Variants in CNTN5 observed in about 807,000 individuals in gnomAD.
CNTN5 encodes the protein contactin 5.
CNTN5 carries 77 observed loss-of-function variants against 129.1 expected under a neutral mutation model. The ratio of observed to expected loss-of-function variants is 0.60; its 90% CI spans 0.50 to 0.72. The LOEUF (loss-of-function observed/expected upper bound fraction) is 0.72. Among genes scored for constraint, CNTN5 ranks in the 30% least tolerant of loss-of-function variants. The pLI is 0.00. For missense variants in CNTN5, 1,478 were observed against 1,328.8 expected (o/e 1.11, Z -1.75); for synonymous variants, 509 against 465.6 (o/e 1.09, Z -1.20).
chr11:99,396,161 T>C (rs1373941972), intron 2 of CNTN5, among the ~76,000 whole-genome samples: 1 of 132,372 alleles, frequency 7.6e-6, no homozygotes, highest in African/African-American at 2.8e-5. Flanking sequence ...ATATTGACTC[T>C]TTCTATCCAT....
At chr11:99,821,690 C>A (rs892495139) in intron 4 of CNTN5, among the ~76,000 whole-genome samples, 2 of 152,096 alleles carry the variant, frequency 1.3e-5, no homozygotes, top group Non-Finnish European at 2.9e-5. Context: ...TTCTCTAAAA[C>A]TGTGCTCCTC....
At chr11:99,468,732 CTT>C (rs113029746) in intron 2 of CNTN5, among the ~76,000 whole-genome samples, 2,585 of 131,420 alleles carry the variant, frequency 0.02, 24 homozygotes, top group Middle Eastern at 0.045. Context: ...TTGTTAGAAA[CTT>C]TTTTTTTTTT....
chr11:99,762,039 GT>G (rs1944598998), intron 3 of CNTN5, among the ~76,000 whole-genome samples: 1 of 112,674 alleles, frequency 8.9e-6, no homozygotes, highest in Non-Finnish European at 2.0e-5. Flanking sequence ...TTTTTCATGT[GT>G]TTTTTGGCTG....
At chr11:99,060,497 TA>T (rs1275989232) in intron 1 of CNTN5, among the ~76,000 whole-genome samples, 1 of 152,134 alleles carries the variant, frequency 6.6e-6, no homozygotes, top group East Asian at 1.9e-4. Flanking sequence ...TTCTCATTAA[TA>T]ATTAACTAGC....
chr11:99,774,407 T>A (rs1014360080), intron 3 of CNTN5, among the ~76,000 whole-genome samples: 6 of 151,896 alleles, frequency 4.0e-5, no homozygotes, highest in African/African-American at 1.5e-4. Context: ...TCCCCTTTTG[T>A]TTATAAAGTT....
At chr11:99,828,941 G>A (rs1265948035) in intron 4 of CNTN5, among the ~76,000 whole-genome samples, 13 of 151,960 alleles carry the variant, frequency 8.6e-5, no homozygotes, top group East Asian at 1.9e-4. Context: ...TATTTCCAGC[G>A]AGAATTAGAA....
chr11:99,485,600 G>A (rs139984338), intron 2 of CNTN5, among the ~76,000 whole-genome samples: 1 of 151,436 alleles, frequency 6.6e-6, no homozygotes. Context: ...ATGCTCTAAA[G>A]TTTATTGATT....
At chr11:99,216,174 G>C (rs1353136078) in intron 1 of CNTN5, among the ~76,000 whole-genome samples, 2 of 151,982 alleles carry the variant, frequency 1.3e-5, no homozygotes, top group Non-Finnish European at 2.9e-5. Context: ...CCAGCCCTTA[G>C]TAACCATCAT....
intron 3 of CNTN5, among the ~76,000 whole-genome samples, chr11:99,781,792 A>G (rs1945320087): frequency 6.6e-6 from 1 of 151,992 alleles, no homozygotes; most frequent in Admixed American, 6.6e-5. Flanking sequence ...CATGCTAAAA[A>G]CTCTCAATAA....
At chr11:99,433,135 A>G (rs1457980748) in intron 2 of CNTN5, among the ~76,000 whole-genome samples, 1 of 152,034 alleles carries the variant, frequency 6.6e-6, no homozygotes, top group Admixed American at 6.6e-5. Context: ...GAGGACATTT[A>G]CCTCACTTCC....
intron 23 of CNTN5, among the ~76,000 whole-genome samples, chr11:100,349,696 A>ACTTT (rs1952361914): frequency 2.0e-5 from 3 of 151,876 alleles, no homozygotes; most frequent in African/African-American, 7.2e-5. Context: ...TTATAATACC[A>ACTTT]ATTATGAAAA....
chr11:99,666,016 G>A (rs903426302), intron 3 of CNTN5, among the ~76,000 whole-genome samples: 1 of 151,796 alleles, frequency 6.6e-6, no homozygotes, highest in African/African-American at 2.4e-5. Context: ...CCAGCCTGGA[G>A]GGCAGTGGCG....
rs368248384 is a variant in CNTN5 at position 99,379,666 on chromosome 11, T to C, written c.-71+54182T>C. ...ACATGTGGAAAGGTAGAAAAAAATA[T>C]GTGTATTGTTATATATATACACACA... On this transcript the variant is annotated intron_variant, in intron 2 of 24. Coordinates refer to ENST00000524871, the MANE Select transcript of CNTN5 (RefSeq NM_014361.4). Among the ~76,000 whole-genome samples the C allele has an allele frequency of 4.6e-5, 7 of 152,170 alleles. No homozygotes were observed. In the East Asian group the frequency reaches 1.2e-3, roughly 25 times the overall value.
At chr11:99,118,399 T>C (rs1410818454) in intron 1 of CNTN5, among the ~76,000 whole-genome samples, 2 of 152,172 alleles carry the variant, frequency 1.3e-5, no homozygotes, top group South Asian at 2.1e-4. Flanking sequence ...GTTTCAATGT[T>C]GCTGACTTTA....
intron 1 of CNTN5, among the ~76,000 whole-genome samples, chr11:99,320,342 A>T (rs1215774246): frequency 6.6e-6 from 1 of 152,190 alleles, no homozygotes; most frequent in Non-Finnish European, 1.5e-5. Flanking sequence ...AGACGAGATG[A>T]TTATTGTTAC....
intron 9 of CNTN5, among the ~76,000 whole-genome samples, chr11:100,002,925 T>A (rs543160495): frequency 6.6e-6 from 1 of 152,224 alleles, no homozygotes; most frequent in African/African-American, 2.4e-5. Flanking sequence ...CTGTCAGAGT[T>A]ACTAATTACT....
intron 3 of CNTN5, among the ~76,000 whole-genome samples, chr11:99,805,865 T>C (rs1429305658): frequency 6.6e-6 from 1 of 152,214 alleles, no homozygotes; most frequent in Non-Finnish European, 1.5e-5. Flanking sequence ...AAAGCCAGAA[T>C]TTTTTGCATT....
In CNTN5 at chr11:100,035,879, G is replaced by A. The variant is rs564316561; in HGVS notation, c.981-25333G>A. On this transcript the variant is annotated intron_variant, in intron 9 of 24. Transcript: ENST00000524871. ...ATTCTGGATATTAGCCCTTTGTCAG[G>A]TGAGTAGGTTGCAAAAATTTTCTCC... Among the ~76,000 whole-genome samples the A allele has an allele frequency of 2.1e-3, 324 of 152,156 alleles. 1 individual carries two copies. The highest frequency in any genetic ancestry group is 7.4e-3 in the African/African-American group (307 of 41,484).
At chr11:99,482,334 C>T (rs994980404) in intron 2 of CNTN5, among the ~76,000 whole-genome samples, 1 of 152,132 alleles carries the variant, frequency 6.6e-6, no homozygotes, top group Non-Finnish European at 1.5e-5. Flanking sequence ...GGTAATTCTA[C>T]ATTGCTTTAA....
Sources: gnomAD v4.1 joint callset for allele counts (sites outside exome capture counted in the v4.1 genomes callset) on GRCh38, gnomAD v4.1.1 for gene constraint, MANE v1.5 for transcripts, NCBI Gene and HGNC (gene_info 2026-07-23, HGNC 2026-07-21) for gene names.